Variants in MSN observed in about 807,000 individuals in gnomAD.
The protein encoded by MSN is epididymis luminal protein 70.
A neutral mutation model predicts 48.0 loss-of-function variants in MSN; 2 were observed. The observed-to-expected ratio is 0.04, with a 90% CI of 0.02 to 0.13. MSN has a LOEUF of 0.13. Ranked by LOEUF, MSN falls within the 10% of genes least tolerant of loss-of-function variation. The pLI is 1.00. For synonymous variants in MSN, 146 were observed against 166.9 expected, an observed-to-expected ratio of 0.87 and a Z score of 0.97; for missense variants, 267 against 470.1, an observed-to-expected ratio of 0.57 and a Z score of 3.99.
At chrX:65,702,866 G>T (rs2071322210) in intron 1 of MSN, among the ~76,000 whole-genome samples, 1 of 111,649 alleles carries the variant, frequency 9.0e-6, no homozygotes, top group African/African-American at 3.3e-5. Flanking sequence ...AGGCAGCATA[G>T]GTGCTGTGTT....
At chrX:65,621,295 A>C (rs2070443061) in intron 1 of MSN, among the ~76,000 whole-genome samples, 1 of 112,065 alleles carries the variant, frequency 8.9e-6, no homozygotes, top group South Asian at 3.7e-4. Flanking sequence ...ACATGGTGTC[A>C]GATAAGGGTC....
chrX:65,652,835 T>C (rs2070752344), intron 1 of MSN, among the ~76,000 whole-genome samples: 1 of 111,476 alleles, frequency 9.0e-6, no homozygotes, highest in South Asian at 3.8e-4. Flanking sequence ...GCCTAGATGA[T>C]GTTAAAGGTG....
At chrX:65,652,096 C>G (rs1366176631) in intron 1 of MSN, among the ~76,000 whole-genome samples, 1 of 109,040 alleles carries the variant, frequency 9.2e-6, no homozygotes, top group Non-Finnish European at 1.9e-5. Flanking sequence ...GAGGTCAGAG[C>G]CCTGAGGATG....
At chrX:65,711,337 G>A (rs2071413221) in intron 1 of MSN, among the ~76,000 whole-genome samples, 2 of 111,288 alleles carry the variant, frequency 1.8e-5, no homozygotes, top group African/African-American at 6.5e-5. Flanking sequence ...TGGGATTACA[G>A]GCGTGAGCCA....
At chrX:65,723,900 G>A (rs763069962) in intron 2 of MSN, among the ~76,000 whole-genome samples, 33 of 111,179 alleles carry the variant, frequency 3.0e-4, no homozygotes, top group African/African-American at 1.0e-3. Context: ...CAGGCTGAGA[G>A]ATATTACTCA....
intron 1 of MSN, among the ~76,000 whole-genome samples, chrX:65,648,420 G>A (rs975795862): frequency 7.2e-5 from 8 of 111,535 alleles, no homozygotes; most frequent in Non-Finnish European, 1.1e-4. Context: ...GGGCGTGGTC[G>A]TGGGCGCCTG....
At chrX:65,734,368 A>G (rs1336982544) in intron 7 of MSN, among the ~76,000 whole-genome samples, 2 of 112,023 alleles carry the variant, frequency 1.8e-5, no homozygotes, top group Non-Finnish European at 3.8e-5. Context: ...ACCCTCAGCA[A>G]CATGGTCAGG....
intron 12 of MSN, 137 bp downstream of exon 12, chrX:65,739,331 A>G: frequency 1.6e-6 from 1 of 609,088 alleles, no homozygotes; most frequent in South Asian, 3.0e-5. Context: ...TTCTTAAGTG[A>G]CAGCTTTAAG....
chrX:65,588,626 G>T (rs2070117129), intron 1 of MSN: 2 of 793,991 alleles, frequency 2.5e-6, no homozygotes, highest in South Asian at 1.3e-4. Context: ...AGTGAACAGG[G>T]GCTGGCTGAG....
intron 1 of MSN, among the ~76,000 whole-genome samples, chrX:65,614,757 G>T (rs1262177464): frequency 3.0e-5 from 3 of 99,605 alleles, no homozygotes; most frequent in African/African-American, 1.1e-4. Flanking sequence ...ACATTGTGCA[G>T]GTTAGTTACA....
chrX:65,729,271 C>T (rs1196112396), intron 3 of MSN, among the ~76,000 whole-genome samples, 167 bp from the exon 4 acceptor site: 3 of 111,365 alleles, frequency 2.7e-5, no homozygotes, highest in African/African-American at 9.8e-5. Flanking sequence ...GGATTCAGTC[C>T]CCAGTGAAAG....
chrX:65,737,398 T>A, intron 10 of MSN, 60 bp downstream of exon 10: 1 of 1,138,560 alleles, frequency 8.8e-7, no homozygotes, highest in South Asian at 2.1e-5. Context: ...GTCTGCCTAC[T>A]TACTTATAGC....
At chrX:65,609,544 A>T (rs751137792) in intron 1 of MSN, among the ~76,000 whole-genome samples, 24 of 111,397 alleles carry the variant, frequency 2.2e-4, no homozygotes, top group Non-Finnish European at 4.1e-4. Context: ...GTCATGGAGA[A>T]CAGAAGCCAC....
At position 65,693,880 on chromosome X, in the gene MSN, C is replaced by T. The variant is rs142376680; in HGVS notation, c.13-22938C>T. 7.3e-3 allele frequency among the ~76,000 whole-genome samples: 803 copies of T among 110,519 alleles called. 10 individuals carry two copies. Among genetic ancestry groups the T allele is most frequent in the African/African-American group, 0.026 (774 of 30,347 alleles). ...CATCCTGGCTAACACGGTGAAACCC[C>T]GTCTCTACTAAAAATACAAAAAATT... On this transcript the variant is annotated intron_variant, in intron 1 of 12. Coordinates refer to ENST00000360270, the MANE Select transcript of MSN (RefSeq NM_002444.3).
intron 8 of MSN, among the ~76,000 whole-genome samples, chrX:65,736,580 G>A (rs1048178202): frequency 3.6e-5 from 4 of 110,420 alleles, no homozygotes; most frequent in Non-Finnish European, 5.7e-5. Flanking sequence ...GACTACAGGC[G>A]CATGCCACTA....
At chrX:65,590,108 G>C (rs996956308) in intron 1 of MSN, among the ~76,000 whole-genome samples, 1 of 110,680 alleles carries the variant, frequency 9.0e-6, no homozygotes, top group Non-Finnish European at 1.9e-5. Flanking sequence ...AGCCACCGGG[G>C]CCGGCCAAGA....
chrX:65,606,135 GT>G (rs374751324), intron 1 of MSN, among the ~76,000 whole-genome samples: 182 of 95,285 alleles, frequency 1.9e-3, no homozygotes, highest in Non-Finnish European at 2.5e-3. Context: ...TTGTTTTTAT[GT>G]TTTTTTTTTT....
intron 1 of MSN, among the ~76,000 whole-genome samples, chrX:65,669,050 G>T (rs1459462772): frequency 1.8e-5 from 2 of 111,701 alleles, no homozygotes; most frequent in Admixed American, 9.5e-5. Flanking sequence ...CTGTATACCA[G>T]CCTCACTGCC....
chrX:65,679,809 C>G (rs2071036921), intron 1 of MSN, among the ~76,000 whole-genome samples: 1 of 112,580 alleles, frequency 8.9e-6, no homozygotes, highest in Admixed American at 9.4e-5. Flanking sequence ...CTCTGAGCCC[C>G]CTGGAGAAAG....
Sources: allele counts gnomAD v4.1 joint callset (sites outside exome capture counted in the v4.1 genomes callset), GRCh38; gene constraint gnomAD v4.1.1; transcripts MANE v1.5; gene names NCBI Gene and HGNC (gene_info 2026-07-23, HGNC 2026-07-21).